The following FREM3 variants were observed in gnomAD, a reference collection of about 807,000 sequenced individuals.
FREM3 encodes the protein FRAS1 related extracellular matrix 3.
Under a neutral mutation model 129.1 loss-of-function variants are expected in FREM3, and 105 were observed. That is an observed-to-expected ratio of 0.81 (90% CI 0.69 to 0.96). The LOEUF (loss-of-function observed/expected upper bound fraction) is 0.96. Among genes scored for constraint, FREM3 ranks in the 40% least tolerant of loss-of-function variants. The probability of loss-of-function intolerance (pLI) is 0.00; values close to 1 mark genes in which losing one functional copy is unlikely to be tolerated. For synonymous variants in FREM3, 1,014 were observed against 1,044.9 expected (o/e 0.97, Z 0.57); for missense variants, 2,593 against 2,666.3 (o/e 0.97, Z 0.61).
chr4:143,700,306 C>T lies in FREM3; in HGVS notation c.370G>A (p.Val124Ile). 2 of 1,535,454 alleles carry T rather than the reference C, an allele frequency of 1.3e-6. No homozygotes were observed. Among genetic ancestry groups the T allele is most frequent in the East Asian group, 2.4e-5 (1 of 40,840 alleles). The change falls in exon 1 of 8, where the codon GTC (valine) becomes ATC (isoleucine). Residue 124 changes from valine to isoleucine, a missense_variant. Val to Ile is a conservative substitution (Grantham distance 29). Around this residue, in one of 2 missense-constraint regions of FREM3, gnomAD observed 2,276 missense variants for 2,267.2 expected, o/e 1.00. Transcript: ENST00000329798. ...RFPCTFGPRQ[V>I]QYTHFGSHSP... ...TGGGAGCCGAAGTGAGTGTACTGGA[C>T]TTGGCGGGGCCCGAAGGTGCAGGGG...
intron 2 of FREM3, among the ~76,000 whole-genome samples, chr4:143,676,818 A>G (rs1025568493): frequency 6.6e-5 from 10 of 152,150 alleles, no homozygotes; most frequent in African/African-American, 2.4e-4. Flanking sequence ...TAAAATACCT[A>G]AGAATCCAAC....
At chr4:143,674,330 C>G (rs1740063055) in intron 2 of FREM3, among the ~76,000 whole-genome samples, 1 of 152,118 alleles carries the variant, frequency 6.6e-6, no homozygotes, top group African/African-American at 2.4e-5. Context: ...ACTTTACAGA[C>G]AAGCAACTGC....
chr4:143,651,302 C>T (rs1168992118), intron 2 of FREM3, among the ~76,000 whole-genome samples: 4 of 152,256 alleles, frequency 2.6e-5, no homozygotes, highest in East Asian at 1.9e-4. Flanking sequence ...ATCTTTTCAG[C>T]GTTTGGCTTG....
At chr4:143,672,029 C>G (rs1463719855) in intron 2 of FREM3, among the ~76,000 whole-genome samples, 1 of 152,176 alleles carries the variant, frequency 6.6e-6, no homozygotes, top group African/African-American at 2.4e-5. Flanking sequence ...CAAGGTTCCC[C>G]TCTCTCTCCC....
chr4:143,669,655 G>A (rs1283067891), intron 2 of FREM3, among the ~76,000 whole-genome samples: 3 of 147,510 alleles, frequency 2.0e-5, no homozygotes, highest in Non-Finnish European at 3.0e-5. Context: ...TTTTCAGTTC[G>A]GAAAAAAAAA....
At chr4:143,668,031 T>TTTTAAAATAAAATTG (rs1274159003) in intron 2 of FREM3, among the ~76,000 whole-genome samples, 1 of 152,232 alleles carries the variant, frequency 6.6e-6, no homozygotes, top group Non-Finnish European at 1.5e-5. Flanking sequence ...CAGAAATTAC[T>TTTTAAAATAAAATTG]TTTAAAATAA....
intron 2 of FREM3, among the ~76,000 whole-genome samples, chr4:143,643,514 A>G (rs570804004): frequency 6.6e-6 from 1 of 152,168 alleles, no homozygotes; most frequent in African/African-American, 2.4e-5. Flanking sequence ...TTACAACAAC[A>G]TGAATGAACC....
chr4:143,679,061 G>T (rs1190666296), intron 2 of FREM3, among the ~76,000 whole-genome samples: 1 of 152,108 alleles, frequency 6.6e-6, no homozygotes, highest in Non-Finnish European at 1.5e-5. Flanking sequence ...CAGTTTAATT[G>T]TTGTTTAACC....
chr4:143,661,280 G>A (rs1230437774), intron 2 of FREM3, among the ~76,000 whole-genome samples: 3 of 152,192 alleles, frequency 2.0e-5, no homozygotes, highest in South Asian at 4.1e-4. Context: ...TTTATTGAGA[G>A]TTTTTAGCAT....
intron 2 of FREM3, among the ~76,000 whole-genome samples, chr4:143,647,488 G>A (rs1010276240): frequency 2.0e-5 from 3 of 152,168 alleles, no homozygotes; most frequent in African/African-American, 7.2e-5. Context: ...CAGAGGCCTA[G>A]GGGGCAAAAA....
intron 5 of FREM3, among the ~76,000 whole-genome samples, chr4:143,611,885 T>C (rs901165835): frequency 1.3e-4 from 20 of 152,162 alleles, no homozygotes; most frequent in African/African-American, 4.6e-4. Flanking sequence ...ATCCACAGCA[T>C]GAAAATAGTA....
intron 7 of FREM3, 68 bp from the exon 8 acceptor site, chr4:143,577,920 TGA>T (rs1385538183): frequency 6.8e-7 from 1 of 1,466,400 alleles, no homozygotes; most frequent in Non-Finnish European, 9.0e-7. Flanking sequence ...CAGAGAAAAA[TGA>T]GAGCTCTCAC....
At chr4:143,626,254 G>A (rs1739035420) in intron 3 of FREM3, among the ~76,000 whole-genome samples, 1 of 152,170 alleles carries the variant, frequency 6.6e-6, no homozygotes, top group African/African-American at 2.4e-5. Flanking sequence ...CTGTTCTTGA[G>A]GTTGGACATA....
intron 2 of FREM3, among the ~76,000 whole-genome samples, chr4:143,655,614 CTTAA>C (rs1275044418): frequency 7.9e-5 from 12 of 152,312 alleles, no homozygotes; most frequent in Admixed American, 2.6e-4. Flanking sequence ...TGCAGCATCT[CTTAA>C]CTTCTAGGTC....
chr4:143,615,723 A>C (rs978036493), intron 5 of FREM3, among the ~76,000 whole-genome samples: 7 of 151,498 alleles, frequency 4.6e-5, no homozygotes, highest in African/African-American at 1.7e-4. Context: ...AAAAACAAAA[A>C]CCCAAAAACC....
rs139449138 is a variant in FREM3 at position 143,577,729 on chromosome 4, A to G, written c.6302T>C (p.Phe2101Ser). Reference sequence around the variant, plus strand: ...CATAGGCATCTGAAGAAGTAATTCAAACTTCTCTGGGCCTTCCAAGGTAGG... The same window carrying G: ...CATAGGCATCTGAAGAAGTAATTCAGACTTCTCTGGGCCTTCCAAGGTAGG... ...GQPTLEGPEK[F>S]ELLLQMPMGA... Residue 2101 changes from phenylalanine to serine, a missense_variant, in exon 8 of 8, where the codon TTT becomes TCT. Physicochemically the swap from Phe to Ser is radical, Grantham distance 155 (BLOSUM62 -2). This residue lies in a region of FREM3 where 317 missense variants were observed against 399.0 expected (regional missense o/e 0.79). Transcript: ENST00000329798. 2.4e-4 allele frequency: 373 copies of G among 1,537,274 alleles called. 1 individual carries two copies. The East Asian group carries it at 8.4e-3, about 35-fold the overall frequency.
intron 2 of FREM3, among the ~76,000 whole-genome samples, chr4:143,648,355 G>C (rs1309930674): frequency 6.6e-6 from 1 of 152,204 alleles, no homozygotes; most frequent in Non-Finnish European, 1.5e-5. Flanking sequence ...AAACTTTAGG[G>C]AACTGTTGGA....
At chr4:143,581,368 G>C (rs1738139351) in intron 7 of FREM3, among the ~76,000 whole-genome samples, 1 of 152,002 alleles carries the variant, frequency 6.6e-6, no homozygotes, top group African/African-American at 2.4e-5. Flanking sequence ...CAAAGGGCTG[G>C]TCAAGTCACT....
chr4:143,598,974 C>G (rs576135208), intron 6 of FREM3, among the ~76,000 whole-genome samples: 1 of 152,250 alleles, frequency 6.6e-6, no homozygotes, highest in South Asian at 2.1e-4. Flanking sequence ...ACATATTGCT[C>G]TCATTAAGTG....
Sources: allele counts gnomAD v4.1 joint callset (sites outside exome capture counted in the v4.1 genomes callset), GRCh38; gene constraint gnomAD v4.1.1; regional missense constraint gnomAD v4.1.1; transcripts MANE v1.5; gene names NCBI Gene and HGNC (gene_info 2026-07-23, HGNC 2026-07-21).